The following HAS2 variants were observed in gnomAD, a reference collection of about 807,000 sequenced individuals.
The protein encoded by HAS2 is HA synthase 2.
In HAS2, 16 loss-of-function variants were observed where a neutral mutation model predicts 51.6. The observed-to-expected ratio is 0.31, with a 90% confidence interval of 0.21 to 0.47. HAS2 has a LOEUF of 0.47. Among genes scored for constraint, HAS2 ranks in the 20% least tolerant of loss-of-function variants. The pLI, the probability that HAS2 is intolerant of heterozygous loss-of-function variation, is 1.00. For synonymous variants in HAS2, 228 were observed against 235.5 expected (o/e 0.97, Z 0.29); for missense variants, 361 against 662.6 (o/e 0.54, Z 5.00).
intron 2 of HAS2, among the ~76,000 whole-genome samples, 198 bp downstream of exon 2, chr8:121,628,516 T>C (rs190527595): frequency 1.1e-3 from 175 of 152,328 alleles, no homozygotes; most frequent in African/African-American, 3.5e-3. Context: ...AGCATGTTCA[T>C]AGATAGTCTC....
chr8:121,638,216 T>C (rs1442652500), intron 1 of HAS2, among the ~76,000 whole-genome samples: 1 of 152,212 alleles, frequency 6.6e-6, no homozygotes. Flanking sequence ...GGGGCTATAT[T>C]CTACAGACCT....
Position 121,613,463 on chromosome 8 carries a change from T to C in HAS2, c.*646A>G. 1 of 152,598 alleles carries C rather than the reference T, an allele frequency of 6.6e-6. No homozygotes were observed. The highest frequency in any genetic ancestry group is 1.5e-5 in the Non-Finnish European group (1 of 68,042). The allele number at this position is 152,598 out of a possible 1,614,324, so 9.5% of individuals were successfully genotyped here. On this transcript the variant is annotated 3_prime_UTR_variant, in exon 4 of 4. Coordinates refer to ENST00000303924, the MANE Select transcript of HAS2 (RefSeq NM_005328.3). Reference sequence around the variant, plus strand: ...AACATCAGTCAACCAAGCTTCACATTTTGGGCAGGATTTTTTAAGTATAAA... The same window carrying C: ...AACATCAGTCAACCAAGCTTCACATCTTGGGCAGGATTTTTTAAGTATAAA...
chr8:121,619,070 C>T (rs1235636189), intron 2 of HAS2, among the ~76,000 whole-genome samples: 4 of 151,894 alleles, frequency 2.6e-5, no homozygotes, highest in East Asian at 1.9e-4. Context: ...ACTAAGGAAT[C>T]CCAACATTTT....
rs1246261600 is a variant in HAS2, at chr8:121,629,351, A to G, written c.1-11T>C. 1 of 1,589,770 alleles carries G rather than the reference A, an allele frequency of 6.3e-7. No individual in the cohort carries two copies. The highest frequency in any genetic ancestry group is 2.2e-5 in the East Asian group (1 of 44,758). The stretch of plus-strand genomic sequence containing the variant: ...CCTCTCACAATGCATCTGTAATATA[A>G]TCAGATGATACTCTTGGTTAACCAT... On this transcript the variant is annotated splice_polypyrimidine_tract_variant and intron_variant, in intron 1 of 3. Transcript: ENST00000303924.
intron 3 of HAS2, 83 bp from the exon 4 acceptor site, chr8:121,615,121 G>T: frequency 1.1e-6 from 1 of 878,220 alleles, no homozygotes; most frequent in Non-Finnish European, 1.7e-6. Flanking sequence ...GTTACTACCT[G>T]GAGTAATATT....
At chr8:121,636,449 C>T (rs1481250644) in intron 1 of HAS2, among the ~76,000 whole-genome samples, 1 of 152,122 alleles carries the variant, frequency 6.6e-6, no homozygotes, top group Non-Finnish European at 1.5e-5. Context: ...GCCTTTTTCT[C>T]TCCAGTCCCA....
Position 121,615,027 on chromosome 8 carries a change from C to T in HAS2, c.741G>A (p.Lys247=), listed in dbSNP as rs781122924. 1.1e-5 allele frequency: 17 copies of T among 1,597,544 alleles called. No homozygotes were observed. Among genetic ancestry groups the T allele is most frequent in the Non-Finnish European group, 1.4e-5 (17 of 1,172,682 alleles). Reference sequence around the variant, plus strand: ...TGAGGAATGAGATCCAGGAATCGTACTTGTTTAAAATCTGCAAGAAGAAAA... The same window carrying T: ...TGAGGAATGAGATCCAGGAATCGTATTTGTTTAAAATCTGCAAGAAGAAAA... The part of the protein sequence containing the change: ...GVGGDVQILN[K]YDSWISFLSS... The change falls in exon 4 of 4, where the codon AAG becomes AAA. Residue 247 remains lysine (K), a synonymous_variant. Coordinates refer to ENST00000303924, the MANE Select transcript of HAS2 (RefSeq NM_005328.3).
rs1420139135 is a variant in HAS2 at position 121,614,171 on chromosome 8, G to A, written c.1597C>T (p.Leu533Phe). 2 of 1,613,970 alleles carry A rather than the reference G, an allele frequency of 1.2e-6. No homozygotes were observed. Among genetic ancestry groups the A allele is most frequent in the African/African-American group, 2.7e-5 (2 of 74,906 alleles). ...WVMLLTLYVV[L>F]INKCGRRKKG... ...TTCCGCCTGCCACACTTATTGATGA[G>A]AACTACATACAGCGTCAAAAGCATG... The change falls in exon 4 of 4, where the codon CTC becomes TTC. Residue 533 changes from leucine (L) to phenylalanine (F), a missense_variant. Around this residue, in one of 5 missense-constraint regions of HAS2, gnomAD observed 61 missense variants for 73.1 expected, o/e 0.84. Coordinates refer to ENST00000303924, the MANE Select transcript of HAS2 (RefSeq NM_005328.3). This position sits in a 1 kb window ranked among gnomAD's most constrained non-coding sequence, Gnocchi z 7.2.
chr8:121,628,126 G>C (rs968174050), intron 2 of HAS2, among the ~76,000 whole-genome samples: 1 of 152,038 alleles, frequency 6.6e-6, no homozygotes, highest in South Asian at 2.1e-4. Context: ...TGTTTGGAGA[G>C]TGAAATAAAC....
intron 2 of HAS2, among the ~76,000 whole-genome samples, chr8:121,618,131 G>A (rs1462535897): frequency 6.6e-6 from 1 of 152,144 alleles, no homozygotes; most frequent in African/African-American, 2.4e-5. Context: ...GCTATAAACT[G>A]TGCTTTTCTT....
rs1214691723 is a variant in HAS2, at chr8:121,613,304, G to A, written c.*805C>T. On this transcript the variant is annotated 3_prime_UTR_variant, in exon 4 of 4. Transcript: ENST00000303924. ...GTATTTTTACTTCCAAAGTGTGATAGGTATATTGGCCTTTTCTAAAAGAAA... is the reference window on the plus strand; with the variant it reads ...GTATTTTTACTTCCAAAGTGTGATAAGTATATTGGCCTTTTCTAAAAGAAA... 2 of 151,876 alleles carry A rather than the reference G, an allele frequency of 1.3e-5. No individual in the cohort carries two copies. The highest frequency in any genetic ancestry group is 2.4e-5 in the African/African-American group (1 of 41,242). 9.4% of individuals were successfully genotyped at this position (151,876 alleles called of 1,614,324 possible).
intron 2 of HAS2, among the ~76,000 whole-genome samples, chr8:121,622,400 C>A (rs1269891869): frequency 6.6e-6 from 1 of 152,094 alleles, no homozygotes; most frequent in Non-Finnish European, 1.5e-5. Flanking sequence ...GGACTCGTTT[C>A]TTCACTACAG....
chr8:121,616,442 CT>C (rs531349255), intron 3 of HAS2, among the ~76,000 whole-genome samples: 121 of 140,768 alleles, frequency 8.6e-4, no homozygotes, highest in Admixed American at 1.1e-3. Context: ...TTTTCTTTTT[CT>C]TTTTTTTTTT....
At chr8:121,616,641 G>C (rs1812707209) in intron 3 of HAS2, among the ~76,000 whole-genome samples, 1 of 151,814 alleles carries the variant, frequency 6.6e-6, no homozygotes, top group African/African-American at 2.4e-5. Context: ...TCACCATATT[G>C]ATCAGGCTGG....
Position 121,614,577 on chromosome 8 carries a change from G to A in HAS2, c.1191C>T (p.Leu397=), listed in dbSNP as rs1812677645. 1 of 1,613,972 alleles carries A rather than the reference G, an allele frequency of 6.2e-7. No individual in the cohort carries two copies. Among genetic ancestry groups the A allele is most frequent in the Non-Finnish European group, 8.5e-7 (1 of 1,179,838 alleles). The part of the protein sequence containing the change: ...PFFLIATVIQ[L]FYRGKIWNIL... ...TGTTCCAAATTTTACCCCGGTAGAAGAGCTGGATTACTGTGGCAATGAGAA... is the reference window on the plus strand; with the variant it reads ...TGTTCCAAATTTTACCCCGGTAGAAAAGCTGGATTACTGTGGCAATGAGAA... The change falls in exon 4 of 4, where the codon CTC becomes CTT. Residue 397 remains leucine, a synonymous_variant. Coordinates refer to ENST00000303924, the MANE Select transcript of HAS2 (RefSeq NM_005328.3). The surrounding 1 kb of genome is among the most constrained non-coding windows in gnomAD (Gnocchi z 7.2).
chr8:121,641,153 C>CTTTCTTTTTTTTTTTTTTTT lies in HAS2; in HGVS notation c.-302_-301insAAAAAAAAAAAAAAAAGAAA, dbSNP rs1563626012. The CTTTCTTTTTTTTTTTTTTTT allele has an allele frequency of 2.2e-5, 1 of 44,590 alleles. No homozygotes were observed. The highest frequency in any genetic ancestry group is 3.9e-5 in the Non-Finnish European group (1 of 25,626). 2.8% of individuals were successfully genotyped at this position (44,590 alleles called of 1,614,324 possible). A position where few individuals can be genotyped will look rare whatever the true frequency, so the allele number is the denominator to read the frequency against. ...TAAATTAACTTTTCTTTTTTCTTTTCTTTTCTTTTTTTTTTTTTTTTTTTT... is the reference window on the plus strand; with the variant it reads ...TAAATTAACTTTTCTTTTTTCTTTTCTTTCTTTTTTTTTTTTTTTTTTTTCTTTTTTTTTTTTTTTTTTTT... On this transcript the variant is annotated 5_prime_UTR_variant, in exon 1 of 4. Coordinates refer to ENST00000303924, the MANE Select transcript of HAS2 (RefSeq NM_005328.3).
At chr8:121,633,912 GTTTT>G (rs540276424) in intron 1 of HAS2, among the ~76,000 whole-genome samples, 1 of 135,222 alleles carries the variant, frequency 7.4e-6, no homozygotes, top group Non-Finnish European at 1.5e-5. Context: ...GTTTTTTTGG[GTTTT>G]TTTTTTTTTT....
chr8:121,625,023 G>A (rs1407677893), intron 2 of HAS2, among the ~76,000 whole-genome samples: 4 of 151,276 alleles, frequency 2.6e-5, no homozygotes, highest in Non-Finnish European at 5.9e-5. Flanking sequence ...GCATGAACCC[G>A]GGAGGCGGAG....
intron 2 of HAS2, among the ~76,000 whole-genome samples, chr8:121,619,826 C>T (rs1021266766): frequency 9.2e-5 from 14 of 152,146 alleles, no homozygotes; most frequent in African/African-American, 2.9e-4. Context: ...TCTGTTGACT[C>T]AAGCTGGAAA....
Sources: allele counts gnomAD v4.1 joint callset (sites outside exome capture counted in the v4.1 genomes callset), GRCh38; gene constraint gnomAD v4.1.1; regional missense constraint gnomAD v4.1.1; non-coding constraint Gnocchi (gnomAD v3.1); transcripts MANE v1.5; gene names NCBI Gene and HGNC (gene_info 2026-07-23, HGNC 2026-07-21).